Variants in USP3 observed in about 807,000 individuals in gnomAD.
USP3 encodes ubiquitin carboxyl-terminal hydrolase 3.
A neutral mutation model predicts 72.3 loss-of-function variants in USP3; 20 were observed. That is an observed-to-expected ratio of 0.28 (90% CI 0.19 to 0.40). The LOEUF (loss-of-function observed/expected upper bound fraction) is 0.40, where lower values mean the gene tolerates loss of function less well. Among genes scored for constraint, USP3 ranks in the 10% least tolerant of loss-of-function variants. USP3 has a pLI of 1.00. For synonymous variants in USP3, 222 were observed against 225.3 expected (o/e 0.99, Z 0.13); for missense variants, 479 against 633.9 (o/e 0.76, Z 2.62).
At chr15:63,550,095 C>T (rs886562585) in intron 3 of USP3, among the ~76,000 whole-genome samples, 2 of 152,252 alleles carry the variant, frequency 1.3e-5, no homozygotes, top group African/African-American at 4.8e-5. Flanking sequence ...TCTCAGCTCA[C>T]TGCAACCTCC....
intron 4 of USP3, chr15:63,556,345 A>G (rs2066508187): frequency 9.2e-6 from 2 of 216,450 alleles, no homozygotes; most frequent in African/African-American, 2.3e-5. Flanking sequence ...CTTGTGAGGA[A>G]TGAACCTTCT....
intron 1 of USP3, among the ~76,000 whole-genome samples, chr15:63,512,305 CTCTTCTTCTTCT>C (rs781608386): frequency 1.4e-5 from 2 of 146,222 alleles, no homozygotes; most frequent in African/African-American, 2.6e-5. Flanking sequence ...CTTCTTCCTC[CTCTTCTTCTTCT>C]TCCTCTTCTT....
intron 9 of USP3, among the ~76,000 whole-genome samples, chr15:63,571,966 GCA>G (rs1189925551): frequency 1.3e-5 from 2 of 152,114 alleles, no homozygotes; most frequent in Admixed American, 6.5e-5. Flanking sequence ...GTTGACTTGT[GCA>G]CACACACACC....
chr15:63,512,329 CTCTTCCTCCTCTTCCTCCTCTTCCTCT>C (rs1266179920), intron 1 of USP3, among the ~76,000 whole-genome samples: 6 of 96,298 alleles, frequency 6.2e-5, no homozygotes, highest in Non-Finnish European at 1.4e-4. Flanking sequence ...CCTCTTCTTC[CTCTTCCTCCTCTTCCTCCTCTTCCTCT>C]TCTTCTTCTT....
At chr15:63,549,771 G>C (rs2066409916) in intron 3 of USP3, among the ~76,000 whole-genome samples, 1 of 152,144 alleles carries the variant, frequency 6.6e-6, no homozygotes, top group African/African-American at 2.4e-5. Flanking sequence ...AAATCACACT[G>C]AGATTTCTAA....
At chr15:63,521,143 CTT>C (rs57191228) in intron 1 of USP3, among the ~76,000 whole-genome samples, 4 of 137,456 alleles carry the variant, frequency 2.9e-5, no homozygotes, top group Admixed American at 7.4e-5. Flanking sequence ...TTCTTTTGGA[CTT>C]TTTTTTTTTT....
rs373743813 is a variant in USP3 at position 63,536,875 on chromosome 15, T to G, written c.153-150T>G. 1.3e-5 allele frequency: 11 copies of G among 863,532 alleles called. No homozygotes were observed. The East Asian group carries it at 2.1e-4, about 16-fold the overall frequency. The allele number at this position is 863,532 out of a possible 1,614,324, so 53.5% of individuals were successfully genotyped here. The stretch of plus-strand genomic sequence containing the variant: ...TCTCAAAAAAAAAAAAGAGCATATT[T>G]TAAGTATTCAGTATAATAAATCACT... On this transcript the variant is annotated intron_variant, in intron 2 of 14. Coordinates refer to ENST00000380324, the MANE Select transcript of USP3 (RefSeq NM_006537.4).
chr15:63,589,549 A>G (rs539466950), intron 14 of USP3, among the ~76,000 whole-genome samples: 5 of 152,312 alleles, frequency 3.3e-5, no homozygotes, highest in Non-Finnish European at 7.4e-5. Flanking sequence ...AGTAACGTCT[A>G]CACTCACATA....
At chr15:63,583,466 AT>A (rs1369053737) in intron 11 of USP3, among the ~76,000 whole-genome samples, 1 of 152,146 alleles carries the variant, frequency 6.6e-6, no homozygotes, top group Non-Finnish European at 1.5e-5. Context: ...TCTTAAAACA[AT>A]TTTTTAAAAA....
intron 3 of USP3, among the ~76,000 whole-genome samples, chr15:63,545,097 A>G (rs2066300301): frequency 6.6e-6 from 1 of 152,198 alleles, no homozygotes; most frequent in Admixed American, 6.5e-5. Flanking sequence ...GGCATATATA[A>G]AGTATAAGTG....
At chr15:63,532,607 A>G (rs377754812) in intron 1 of USP3, 40 bp from the exon 2 acceptor site, 1 of 1,608,352 alleles carries the variant, frequency 6.2e-7, no homozygotes, top group Non-Finnish European at 8.5e-7. Flanking sequence ...GGGAAATAAC[A>G]TGATGCAATT....
intron 1 of USP3, among the ~76,000 whole-genome samples, chr15:63,513,693 A>G (rs1276004578): frequency 6.6e-6 from 1 of 152,160 alleles, no homozygotes; most frequent in African/African-American, 2.4e-5. Flanking sequence ...TTTTTAAATA[A>G]TAGATTTAAA....
At chr15:63,519,965 C>G (rs117967277) in intron 1 of USP3, among the ~76,000 whole-genome samples, 5 of 152,170 alleles carry the variant, frequency 3.3e-5, no homozygotes, top group Non-Finnish European at 5.9e-5. Context: ...GGGCACGCGC[C>G]GTCATTCTTT....
chr15:63,520,042 G>A (rs1277189466), intron 1 of USP3, among the ~76,000 whole-genome samples: 2 of 151,996 alleles, frequency 1.3e-5, no homozygotes, highest in African/African-American at 4.8e-5. Flanking sequence ...TTGCAGCCTT[G>A]GAATTAGCCA....
At chr15:63,540,816 TG>T (rs1249869881) in intron 3 of USP3, among the ~76,000 whole-genome samples, 1 of 152,188 alleles carries the variant, frequency 6.6e-6, no homozygotes, top group African/African-American at 2.4e-5. Flanking sequence ...AACTTGAAAA[TG>T]AAAGGTAAAT....
intron 1 of USP3, among the ~76,000 whole-genome samples, chr15:63,518,602 G>C (rs905677947): frequency 2.0e-5 from 3 of 152,166 alleles, no homozygotes; most frequent in Non-Finnish European, 4.4e-5. Flanking sequence ...ACACTGCTAA[G>C]AATAGTACAT....
At chr15:63,560,023 T>C in intron 7 of USP3, 53 bp downstream of exon 7, 1 of 1,496,900 alleles carries the variant, frequency 6.7e-7, no homozygotes, top group Non-Finnish European at 9.1e-7. Context: ...ACAAATTACT[T>C]TCACTGGTGG....
chr15:63,542,159 G>GA, intron 3 of USP3: 2 of 985,132 alleles, frequency 2.0e-6, no homozygotes, highest in Non-Finnish European at 2.4e-6. Context: ...AACAGGAATT[G>GA]AAAAAAACTT....
At chr15:63,571,816 T>C (rs966841896) in intron 9 of USP3, among the ~76,000 whole-genome samples, 1 of 152,212 alleles carries the variant, frequency 6.6e-6, no homozygotes, top group African/African-American at 2.4e-5. Flanking sequence ...GGATTGCAAG[T>C]TTTATTACTG....
Sources: allele counts gnomAD v4.1 joint callset (sites outside exome capture counted in the v4.1 genomes callset), GRCh38; gene constraint gnomAD v4.1.1; transcripts MANE v1.5; gene names NCBI Gene and HGNC (gene_info 2026-07-23, HGNC 2026-07-21).